The following TRIP12 variants were observed in gnomAD, a reference collection of about 807,000 sequenced individuals.
TRIP12 encodes the protein E3 ubiquitin-protein ligase TRIP12.
A neutral mutation model predicts 244.2 loss-of-function variants in TRIP12; 25 were observed. The ratio of observed to expected loss-of-function variants is 0.10; its 90% confidence interval spans 0.07 to 0.14. The LOEUF is 0.14. TRIP12 is among the 10% of genes least tolerant of loss of function. The pLI, the probability that TRIP12 is intolerant of heterozygous loss-of-function variation, is 1.00. For missense variants in TRIP12, 1,677 were observed against 2,486.4 expected (o/e 0.67, Z 6.92); for synonymous variants, 905 against 873.1 (o/e 1.04, Z -0.64).
chr2:229,842,175 A>G (rs1287535063), intron 4 of TRIP12, among the ~76,000 whole-genome samples: 1 of 152,240 alleles, frequency 6.6e-6, no homozygotes, highest in Non-Finnish European at 1.5e-5. Flanking sequence ...GCTGACATAA[A>G]AGAATCAAAG....
chr2:229,792,840 C>G, intron 27 of TRIP12, 133 bp downstream of exon 27: 1 of 928,316 alleles, frequency 1.1e-6, no homozygotes, highest in African/African-American at 1.7e-5. Flanking sequence ...AAATAAAAGA[C>G]AGGAATATAA....
At position 229,859,347 on chromosome 2, in the gene TRIP12, C is replaced by G. The variant is rs766239972; in HGVS notation, c.452G>C (p.Ser151Thr). The G allele has an allele frequency of 1.2e-6, 2 of 1,614,082 alleles. No homozygotes were observed. The highest frequency in any genetic ancestry group is 1.7e-6 in the Non-Finnish European group (2 of 1,180,044). The change falls in exon 4 of 42, where the codon AGT becomes ACT. Residue 151 changes from serine to threonine, a missense_variant. Transcript: ENST00000675903. ...GTCTAAATGTCTCTTCTTTGACTTA[C>G]TATGTGGCTTATTTGTTTCTGAGGG... is the stretch of plus-strand genomic sequence containing the variant. ...ESPSETNKPH[S>T]KSKKRHLDQE...
chr2:229,856,139 A>G (rs2059574865), intron 4 of TRIP12, among the ~76,000 whole-genome samples: 1 of 152,326 alleles, frequency 6.6e-6, no homozygotes, highest in Admixed American at 6.5e-5. Context: ...ATGCTACACA[A>G]ACGCTGGTTC....
At chr2:229,776,672 G>C (rs569978895) in intron 37 of TRIP12, among the ~76,000 whole-genome samples, 1 of 152,184 alleles carries the variant, frequency 6.6e-6, no homozygotes, top group Admixed American at 6.5e-5. Context: ...CATGTTACCA[G>C]CCCAAACAAG....
chr2:229,906,340 A>C (rs913503008), intron 1 of TRIP12, among the ~76,000 whole-genome samples: 2 of 151,418 alleles, frequency 1.3e-5, no homozygotes, highest in Non-Finnish European at 2.9e-5. Context: ...AAACATGTTT[A>C]CTGTTTACTG....
At chr2:229,872,133 G>C (rs972347563) in intron 2 of TRIP12, among the ~76,000 whole-genome samples, 1 of 62,658 alleles carries the variant, frequency 1.6e-5, no homozygotes, top group Non-Finnish European at 3.7e-5. Flanking sequence ...AAAAAAAAAA[G>C]AAGCCTATAT....
intron 1 of TRIP12, among the ~76,000 whole-genome samples, chr2:229,887,131 GATTATGGGGGATAGA>G (rs773361095): frequency 6.6e-6 from 1 of 152,160 alleles, no homozygotes; most frequent in Non-Finnish European, 1.5e-5. Flanking sequence ...AAGCTTAAAG[GATTATGGGGGATAGA>G]AAGAAAATTC....
At chr2:229,852,000 C>T (rs1161233558) in intron 4 of TRIP12, among the ~76,000 whole-genome samples, 2 of 152,208 alleles carry the variant, frequency 1.3e-5, no homozygotes, top group Non-Finnish European at 2.9e-5. Flanking sequence ...TATTTCCTCC[C>T]TCCGTGCTAG....
At chr2:229,779,470 C>G (rs1263635505) in intron 34 of TRIP12, among the ~76,000 whole-genome samples, 1 of 152,208 alleles carries the variant, frequency 6.6e-6, no homozygotes, top group Non-Finnish European at 1.5e-5. Flanking sequence ...GACTTTACCA[C>G]AATTTCAGTA....
At chr2:229,881,450 G>C (rs187694862) in intron 1 of TRIP12, among the ~76,000 whole-genome samples, 1 of 152,136 alleles carries the variant, frequency 6.6e-6, no homozygotes, top group Non-Finnish European at 1.5e-5. Flanking sequence ...GTGCCAAAGA[G>C]AATGCAAATT....
At chr2:229,841,100 G>C (rs536812347) in intron 4 of TRIP12, among the ~76,000 whole-genome samples, 173 bp from the exon 5 acceptor site, 29 of 152,150 alleles carry the variant, frequency 1.9e-4, no homozygotes, top group Middle Eastern at 3.4e-3. Context: ...AAAGCTAATG[G>C]TACTTGGCAC....
chr2:229,851,387 T>TG (rs1422509321), intron 4 of TRIP12, among the ~76,000 whole-genome samples: 1 of 151,958 alleles, frequency 6.6e-6, no homozygotes, highest in East Asian at 1.9e-4. Context: ...GCTAATCTGG[T>TG]GGGGACATGG....
At chr2:229,906,738 GA>G (rs886737658) in intron 1 of TRIP12, among the ~76,000 whole-genome samples, 19 of 143,048 alleles carry the variant, frequency 1.3e-4, no homozygotes, top group South Asian at 4.5e-4. Flanking sequence ...AAAAAAAAAA[GA>G]AAAAAAAATA....
chr2:229,850,967 G>C (rs371880338), intron 4 of TRIP12, among the ~76,000 whole-genome samples: 1 of 152,214 alleles, frequency 6.6e-6, no homozygotes, highest in Non-Finnish European at 1.5e-5. Flanking sequence ...CGCAGGCCTC[G>C]GGAGAGCAGC....
chr2:229,767,068 G>GA lies in TRIP12; in HGVS notation c.*485dup, dbSNP rs2032014117. ...ATGAATCAGGGAGAGAAAATCAGAG[G>GA]AAAGTGAAAAGCACATAGAGCTAGT... On this transcript the variant is annotated 3_prime_UTR_variant, in exon 42 of 42. Transcript: ENST00000675903. 1 of 152,656 alleles carries GA rather than the reference G, an allele frequency of 6.6e-6. No individual in the cohort carries two copies. The highest frequency in any genetic ancestry group is 2.4e-5 in the African/African-American group (1 of 41,412). The allele number at this position is 152,656 out of a possible 1,614,324, so 9.5% of individuals were successfully genotyped here.
chr2:229,850,993 C>G (rs1417842355), intron 4 of TRIP12, among the ~76,000 whole-genome samples: 3 of 152,230 alleles, frequency 2.0e-5, no homozygotes, highest in Non-Finnish European at 4.4e-5. Flanking sequence ...ATGGCTGAGC[C>G]TTCCCCCACC....
intron 15 of TRIP12, among the ~76,000 whole-genome samples, chr2:229,809,153 A>T (rs766587115): frequency 6.6e-6 from 1 of 152,232 alleles, no homozygotes; most frequent in Admixed American, 6.5e-5. Flanking sequence ...TTATCAAGAA[A>T]AATATTCATT....
intron 1 of TRIP12, among the ~76,000 whole-genome samples, chr2:229,915,177 G>A (rs1397513036): frequency 2.6e-5 from 4 of 152,040 alleles, no homozygotes; most frequent in Non-Finnish European, 5.9e-5. Context: ...GCTTGAACCC[G>A]GGAGGCAGAG....
chr2:229,814,122 G>A, intron 12 of TRIP12, 91 bp from the exon 13 acceptor site: 2 of 1,521,094 alleles, frequency 1.3e-6, no homozygotes, highest in Non-Finnish European at 1.8e-6. Context: ...ACATTACTCT[G>A]GAAACAACAT....
Sources: allele counts gnomAD v4.1 joint callset (sites outside exome capture counted in the v4.1 genomes callset), GRCh38; gene constraint gnomAD v4.1.1; transcripts MANE v1.5; gene names NCBI Gene and HGNC (gene_info 2026-07-23, HGNC 2026-07-21).